RGS6: variants seen among roughly 807,000 people sequenced by gnomAD.
The protein encoded by RGS6 is regulator of G-protein signaling 6.
In RGS6, 30 loss-of-function variants were observed where a neutral mutation model predicts 78.5. The observed-to-expected ratio is 0.38, with a 90% CI of 0.29 to 0.52. The LOEUF (loss-of-function observed/expected upper bound fraction) is 0.52. RGS6 is among the 20% of genes least tolerant of loss of function. The pLI is 0.85. For synonymous variants in RGS6, 206 were observed against 206.0 expected (o/e 1.00, Z 0.00); for missense variants, 495 against 609.7 (o/e 0.81, Z 1.98).
chr14:71,901,199 A>T, the RGS6 span, among the ~76,000 whole-genome samples: 4 of 152,148 alleles, frequency 2.6e-5, no homozygotes, highest in African/African-American at 9.7e-5. Flanking sequence ...TCTATGGTCC[A>T]TAGGTTTCTA....
Position 72,339,240 on chromosome 14 carries a change from ATT to A in RGS6, c.85-12853_85-12852del, listed in dbSNP as rs142637336. Among the ~76,000 whole-genome samples, 97 of 152,226 alleles carry A rather than the reference ATT, an allele frequency of 6.4e-4. 1 individual carries two copies. The East Asian group carries it at 0.015, about 23-fold the overall frequency. ...GTTCTACCTCCATGAATGAGATTAG[ATT>A]TGAGGAAGCCTGTTTGGCTCTGCTG... On this transcript the variant is annotated intron_variant, in intron 2 of 17. Coordinates refer to ENST00000553525, the MANE Select transcript of RGS6 (RefSeq NM_001204424.2).
the RGS6 span, among the ~76,000 whole-genome samples, chr14:71,868,268 A>G: frequency 6.6e-6 from 1 of 152,170 alleles, no homozygotes; most frequent in Non-Finnish European, 1.5e-5. Context: ...AGAGGTGCCT[A>G]TAAACAGGAA....
the RGS6 span, among the ~76,000 whole-genome samples, chr14:72,619,748 G>A: frequency 6.6e-6 from 1 of 152,138 alleles, no homozygotes; most frequent in Non-Finnish European, 1.5e-5. Flanking sequence ...AATGGCAGTC[G>A]TCGTACCTAC....
intron 7 of RGS6, among the ~76,000 whole-genome samples, chr14:72,466,393 A>T (rs1289027679): frequency 6.6e-6 from 1 of 152,252 alleles, no homozygotes; most frequent in Non-Finnish European, 1.5e-5. Context: ...TACATACCCT[A>T]GAGAAATCAG....
At chr14:72,616,230 G>A in the RGS6 span, among the ~76,000 whole-genome samples, 2 of 152,298 alleles carry the variant, frequency 1.3e-5, no homozygotes, top group African/African-American at 4.8e-5. Context: ...GCTAGAAAGT[G>A]GCAGTGTTGG....
chr14:72,249,851 C>T (rs1439778362), intron 2 of RGS6, among the ~76,000 whole-genome samples: 2 of 151,832 alleles, frequency 1.3e-5, no homozygotes, highest in African/African-American at 4.8e-5. Flanking sequence ...AAATGTCCAA[C>T]AATGATAGAC....
At chr14:72,606,361 C>T in the RGS6 span, among the ~76,000 whole-genome samples, 2 of 152,184 alleles carry the variant, frequency 1.3e-5, no homozygotes, top group Non-Finnish European at 2.9e-5. Context: ...AAATGTCACC[C>T]AGCCAGATAA....
chr14:72,426,875 G>A (rs560891082), intron 3 of RGS6, among the ~76,000 whole-genome samples: 3 of 152,314 alleles, frequency 2.0e-5, no homozygotes, highest in Admixed American at 6.5e-5. Context: ...CCAAAAGGTG[G>A]AACAGAAGCA....
intron 1 of RGS6, among the ~76,000 whole-genome samples, chr14:71,936,015 G>GAGATATATAT (rs751624395): frequency 1.1e-4 from 7 of 63,778 alleles, no homozygotes; most frequent in South Asian, 5.3e-4. Context: ...GAACTAATAG[G>GAGATATATAT]ATATATATAT....
At chr14:71,937,625 T>C (rs1442203439) in intron 1 of RGS6, among the ~76,000 whole-genome samples, 2 of 152,194 alleles carry the variant, frequency 1.3e-5, no homozygotes, top group African/African-American at 4.8e-5. Context: ...TCCATGAGCA[T>C]GAACCCACTG....
chr14:72,182,361 A>G (rs1388876150), intron 2 of RGS6, among the ~76,000 whole-genome samples: 1 of 147,200 alleles, frequency 6.8e-6, no homozygotes, highest in Non-Finnish European at 1.5e-5. Flanking sequence ...AATCGCTTGA[A>G]CCCGGGAGGC....
intron 3 of RGS6, among the ~76,000 whole-genome samples, chr14:72,352,980 A>G (rs1424542045): frequency 1.3e-5 from 2 of 152,226 alleles, no homozygotes; most frequent in Non-Finnish European, 2.9e-5. Flanking sequence ...AAATTCGGGA[A>G]CCAAAGGACT....
At chr14:72,526,302 T>C (rs977870159) in intron 15 of RGS6, among the ~76,000 whole-genome samples, 1 of 152,018 alleles carries the variant, frequency 6.6e-6, no homozygotes, top group African/African-American at 2.4e-5. Flanking sequence ...AGTCGGGGTT[T>C]CACCATATTA....
At chr14:72,152,959 TCA>T (rs2096715561) in intron 2 of RGS6, among the ~76,000 whole-genome samples, 1 of 152,088 alleles carries the variant, frequency 6.6e-6, no homozygotes. Context: ...GCTTCCTGCC[TCA>T]CAGACTGAAT....
At position 71,932,633 on chromosome 14, in the gene RGS6, A is replaced by AGCGCGCCGGGGACACCCTGT. The variant is rs2088009753; in HGVS notation, c.-324_-305dup. 6.6e-6 allele frequency: 1 copy of AGCGCGCCGGGGACACCCTGT among 152,158 alleles called. No homozygotes were observed. 9.4% of individuals were successfully genotyped at this position (152,158 alleles called of 1,614,324 possible). A position where few individuals can be genotyped will look rare whatever the true frequency, so the allele number is the denominator to read the frequency against. ...AGCGCGGAGAGCCAGGCCAGCCCGG[A>AGCGCGCCGGGGACACCCTGT]GCGCGCCGGGGACACCCTGTGCGCC... On this transcript the variant is annotated 5_prime_UTR_variant, in exon 1 of 18. Coordinates refer to ENST00000553525, the MANE Select transcript of RGS6 (RefSeq NM_001204424.2).
At chr14:71,956,063 A>G (rs2153016127) in intron 1 of RGS6, among the ~76,000 whole-genome samples, 1 of 152,334 alleles carries the variant, frequency 6.6e-6, no homozygotes, top group East Asian at 1.9e-4. Flanking sequence ...TGACATAGCC[A>G]TCTCAGAAAG....
At chr14:72,549,235 T>C (rs1039422848) in intron 17 of RGS6, among the ~76,000 whole-genome samples, 10 of 149,964 alleles carry the variant, frequency 6.7e-5, no homozygotes, top group African/African-American at 2.4e-4. Flanking sequence ...TTGCCTTCTT[T>C]TCTGTTTTTT....
At chr14:72,005,283 T>C (rs1190529426) in intron 2 of RGS6, among the ~76,000 whole-genome samples, 1 of 152,156 alleles carries the variant, frequency 6.6e-6, no homozygotes, top group Non-Finnish European at 1.5e-5. Context: ...AGTATAAGAA[T>C]TATGGGTGAA....
intron 2 of RGS6, among the ~76,000 whole-genome samples, chr14:72,096,803 C>T (rs1163783446): frequency 6.6e-6 from 1 of 152,188 alleles, no homozygotes; most frequent in African/African-American, 2.4e-5. Context: ...GTTGGTTGTG[C>T]TGGACAGCCC....
Sources: gnomAD v4.1 joint callset for allele counts (sites outside exome capture counted in the v4.1 genomes callset) on GRCh38, gnomAD v4.1.1 for gene constraint, MANE v1.5 for transcripts, NCBI Gene and HGNC (gene_info 2026-07-23, HGNC 2026-07-21) for gene names.